Variants in C5orf22 observed in about 807,000 individuals in gnomAD.
The protein encoded by C5orf22 is chromosome 5 open reading frame 22.
C5orf22 carries 36 observed loss-of-function variants against 48.7 expected under a neutral mutation model. The observed-to-expected ratio is 0.74, with a 90% CI of 0.57 to 0.98. The LOEUF is 0.98. Among genes scored for constraint, C5orf22 ranks in the 50% least tolerant of loss-of-function variants. C5orf22 has a pLI of 0.00. For missense variants in C5orf22, 486 were observed against 521.9 expected (o/e 0.93, Z 0.67); for synonymous variants, 141 against 180.8 (o/e 0.78, Z 1.76).
chr5:31,552,929 G>T lies in C5orf22; in HGVS notation c.*27G>T. ...ACAAACAAAACATTAGGCTCCTGTT[G>T]TATCTTGGTTTAGTAACAGGCCCTT... On this transcript the variant is annotated 3_prime_UTR_variant, in exon 9 of 9. Coordinates refer to ENST00000325366, the MANE Select transcript of C5orf22 (RefSeq NM_018356.3). The T allele has an allele frequency of 6.2e-7, 1 of 1,609,174 alleles. No individual in the cohort carries two copies. Among genetic ancestry groups the T allele is most frequent in the Non-Finnish European group, 8.5e-7 (1 of 1,177,302 alleles).
chr5:31,541,185 G>A, intron 5 of C5orf22, 96 bp from the exon 6 acceptor site: 1 of 1,300,066 alleles, frequency 7.7e-7, no homozygotes, highest in Non-Finnish European at 1.1e-6. Context: ...TGAAAATTAT[G>A]TTTTAACTAA....
intron 8 of C5orf22, among the ~76,000 whole-genome samples, chr5:31,551,977 C>T (rs1461350031): frequency 2.0e-5 from 3 of 152,150 alleles, no homozygotes; most frequent in Non-Finnish European, 4.4e-5. Context: ...GTTTGAAATA[C>T]TTGTACTAAG....
intron 6 of C5orf22, among the ~76,000 whole-genome samples, chr5:31,543,174 C>T (rs1435049843): frequency 6.6e-6 from 1 of 152,172 alleles, no homozygotes; most frequent in African/African-American, 2.4e-5. Flanking sequence ...AAAATGTAAA[C>T]ATCATAAAGC....
intron 7 of C5orf22, among the ~76,000 whole-genome samples, chr5:31,548,152 C>T (rs1743013790): frequency 6.6e-6 from 1 of 152,072 alleles, no homozygotes; most frequent in Admixed American, 6.5e-5. Context: ...AAATACAAAA[C>T]TTAGCTGGGT....
chr5:31,547,404 T>C (rs762756938), intron 7 of C5orf22, among the ~76,000 whole-genome samples: 1 of 152,228 alleles, frequency 6.6e-6, no homozygotes, highest in East Asian at 1.9e-4. Flanking sequence ...AGTGGCCCTC[T>C]TCTCACAGCT....
intron 3 of C5orf22, 127 bp from the exon 4 acceptor site, chr5:31,538,133 G>A (rs1742212500): frequency 2.9e-6 from 2 of 693,814 alleles, no homozygotes; most frequent in Admixed American, 2.4e-5. Context: ...AGAACAGGAA[G>A]TATAAATACT....
Position 31,538,479 on chromosome 5 carries a change from A to G in C5orf22, c.597A>G (p.Ser199=), listed in dbSNP as rs749903805. ...NTASTNCDSS[S]EGLEKDTATQ... ...CCTCTACTAACTGTGACTCTTCTTC[A>G]GAAGGACTGGAAAAGGACACAGCAA... Residue 199 remains serine, a synonymous_variant, in exon 4 of 9, where the codon TCA becomes TCG. Coordinates refer to ENST00000325366, the MANE Select transcript of C5orf22 (RefSeq NM_018356.3). 5.0e-5 allele frequency: 81 copies of G among 1,614,118 alleles called. No homozygotes were observed. The highest frequency in any genetic ancestry group is 6.5e-5 in the Non-Finnish European group (77 of 1,180,036).
chr5:31,536,849 A>G (rs995860794), intron 3 of C5orf22, among the ~76,000 whole-genome samples: 2 of 152,248 alleles, frequency 1.3e-5, no homozygotes, highest in Non-Finnish European at 2.9e-5. Context: ...TATTTTAAAC[A>G]GTATAGCCAT....
In C5orf22 at chr5:31,538,461, T is replaced by C. The variant is rs146545709; in HGVS notation, c.579T>C (p.Thr193=). 109 of 1,614,182 alleles carry C rather than the reference T, an allele frequency of 6.8e-5. No individual in the cohort carries two copies. The African/African-American group carries it at 1.4e-3, about 21-fold the overall frequency. Residue 193 remains threonine, a synonymous_variant, in exon 4 of 9, where the codon ACT becomes ACC. Transcript: ENST00000325366. The part of the protein sequence containing the change: ...ALEDSENTAS[T]NCDSSSEGLE... ...AAGATTCGGAAAACACTGCCTCTACTAACTGTGACTCTTCTTCAGAAGGAC... is the reference window on the plus strand; with the variant it reads ...AAGATTCGGAAAACACTGCCTCTACCAACTGTGACTCTTCTTCAGAAGGAC...
chr5:31,534,412 C>G lies in C5orf22; in HGVS notation c.222C>G (p.Leu74=), dbSNP rs1455647752. ...PADTVFDKET[L]FGELSIENWI... ...ACACCGTGTTTGATAAGGAAACACT[C>G]TTTGGGTAATATGTGATTTTATTTA... The change falls in exon 2 of 9, where the codon CTC becomes CTG. Residue 74 remains leucine (L), a synonymous_variant. Coordinates refer to ENST00000325366, the MANE Select transcript of C5orf22 (RefSeq NM_018356.3). 3 of 1,605,198 alleles carry G rather than the reference C, an allele frequency of 1.9e-6. No individual in the cohort carries two copies. In the East Asian group the frequency reaches 6.7e-5, roughly 36 times the overall value.
At chr5:31,540,264 C>T (rs1214927487) in intron 4 of C5orf22, among the ~76,000 whole-genome samples, 3 of 152,092 alleles carry the variant, frequency 2.0e-5, no homozygotes, top group African/African-American at 4.8e-5. Context: ...GAATTTTAGC[C>T]CTTGGGTATA....
intron 7 of C5orf22, among the ~76,000 whole-genome samples, chr5:31,546,008 A>C (rs901945685): frequency 6.6e-6 from 1 of 152,186 alleles, no homozygotes; most frequent in Non-Finnish European, 1.5e-5. Flanking sequence ...GACAAAAGAA[A>C]AGTACACAAT....
At chr5:31,540,808 T>C in intron 4 of C5orf22, 141 bp from the exon 5 acceptor site, 1 of 626,820 alleles carries the variant, frequency 1.6e-6, no homozygotes, top group South Asian at 2.0e-5. Flanking sequence ...ACATTTTGCC[T>C]GATTCTCCCA....
At chr5:31,549,530 C>G (rs1580460541) in intron 7 of C5orf22, among the ~76,000 whole-genome samples, 1 of 151,968 alleles carries the variant, frequency 6.6e-6, no homozygotes, top group Non-Finnish European at 1.5e-5. Context: ...CCAAGACTTA[C>G]ACTTTTTAAA....
intron 8 of C5orf22, 86 bp from the exon 9 acceptor site, chr5:31,552,687 C>A: frequency 8.3e-7 from 1 of 1,201,460 alleles, no homozygotes; most frequent in Non-Finnish European, 1.2e-6. Context: ...TTCTGTTTTA[C>A]ATTGAAATGA....
intron 4 of C5orf22, among the ~76,000 whole-genome samples, chr5:31,539,332 C>T (rs1055971808): frequency 6.6e-6 from 1 of 152,202 alleles, no homozygotes; most frequent in African/African-American, 2.4e-5. Flanking sequence ...CAATCCCCCA[C>T]GGATACCAAG....
At chr5:31,547,637 C>G (rs1182833855) in intron 7 of C5orf22, among the ~76,000 whole-genome samples, 1 of 152,268 alleles carries the variant, frequency 6.6e-6, no homozygotes, top group Non-Finnish European at 1.5e-5. Flanking sequence ...CACAAGGAAG[C>G]TGCCAAGGCC....
chr5:31,551,529 C>CT, intron 8 of C5orf22, 97 bp downstream of exon 8: 1 of 950,872 alleles, frequency 1.1e-6, no homozygotes, highest in Non-Finnish European at 1.6e-6. Context: ...AAAGGAAATT[C>CT]GCAGTGTGAT....
chr5:31,551,159 A>G, intron 7 of C5orf22, 134 bp from the exon 8 acceptor site: 2 of 803,534 alleles, frequency 2.5e-6, no homozygotes, highest in Non-Finnish European at 3.9e-6. Context: ...ATTATGAATC[A>G]CATGTACCCT....
Sources: gnomAD v4.1 joint callset for allele counts (sites outside exome capture counted in the v4.1 genomes callset) on GRCh38, gnomAD v4.1.1 for gene constraint, MANE v1.5 for transcripts, NCBI Gene and HGNC (gene_info 2026-07-23, HGNC 2026-07-21) for gene names.